RGS8: variants seen among roughly 807,000 people sequenced by gnomAD.
The protein encoded by RGS8 is regulator of G protein signaling 8, also known as regulator of G-protein signaling 8.
In RGS8, 8 loss-of-function variants were observed where a neutral mutation model predicts 21.7. The observed-to-expected ratio is 0.37, with a 90% CI of 0.22 to 0.66. RGS8 has a LOEUF of 0.66. RGS8 is among the 30% of genes least tolerant of loss of function. The probability of loss-of-function intolerance (pLI) is 0.59; values close to 1 mark genes in which losing one functional copy is unlikely to be tolerated. For synonymous variants in RGS8, 80 were observed against 83.6 expected (o/e 0.96, Z 0.24); for missense variants, 157 against 217.9 (o/e 0.72, Z 1.76).
intron 5 of RGS8, among the ~76,000 whole-genome samples, chr1:182,657,266 T>C (rs987511474): frequency 9.9e-5 from 15 of 152,230 alleles, no homozygotes; most frequent in Non-Finnish European, 2.9e-5. Context: ...CCCTGACTCC[T>C]CAGCATCTTT....
the RGS8 span, among the ~76,000 whole-genome samples, chr1:182,731,541 G>GA: frequency 1.3e-5 from 2 of 152,146 alleles, no homozygotes; most frequent in Non-Finnish European, 2.9e-5. Context: ...AATCACTGCT[G>GA]AAAAAATCCT....
At chr1:182,745,207 G>A in the RGS8 span, among the ~76,000 whole-genome samples, 1 of 152,122 alleles carries the variant, frequency 6.6e-6, no homozygotes, top group Admixed American at 6.5e-5. Context: ...TTTATGTTGT[G>A]TTTTATTTTT....
the RGS8 span, among the ~76,000 whole-genome samples, chr1:182,750,318 G>A: frequency 6.6e-6 from 1 of 152,100 alleles, no homozygotes; most frequent in Non-Finnish European, 1.5e-5. Context: ...TCCAGGCTCT[G>A]TGCAGACCAA....
At chr1:182,722,391 G>A in the RGS8 span, among the ~76,000 whole-genome samples, 1 of 148,750 alleles carries the variant, frequency 6.7e-6, no homozygotes, top group East Asian at 2.0e-4. Flanking sequence ...AAAAAAACTG[G>A]GTGACTCAGA....
upstream of RGS8, among the ~76,000 whole-genome samples, chr1:182,676,774 C>A (rs530819601): frequency 1.3e-5 from 2 of 152,154 alleles, no homozygotes; most frequent in South Asian, 4.1e-4. Flanking sequence ...GAAGAAAGGG[C>A]CTTTGGTACT....
the RGS8 span, among the ~76,000 whole-genome samples, chr1:182,740,445 A>G: frequency 1.3e-5 from 2 of 152,072 alleles, no homozygotes; most frequent in Non-Finnish European, 2.9e-5. Context: ...CATTTTACCA[A>G]TGAGCAAAAC....
the RGS8 span, among the ~76,000 whole-genome samples, chr1:182,747,057 T>TTTTTTTTTTTTTC: frequency 1.1e-5 from 1 of 89,554 alleles, no homozygotes; most frequent in Non-Finnish European, 2.2e-5. Flanking sequence ...TTTTTTTTTT[T>TTTTTTTTTTTTTC]TTTTTTTTTT....
At chr1:182,716,543 G>A in the RGS8 span, among the ~76,000 whole-genome samples, 4 of 151,796 alleles carry the variant, frequency 2.6e-5, no homozygotes, top group Non-Finnish European at 5.9e-5. Context: ...CCCAGACATG[G>A]AAGGCCAAGT....
chr1:182,692,712 C>T, the RGS8 span, among the ~76,000 whole-genome samples: 4 of 137,954 alleles, frequency 2.9e-5, no homozygotes, highest in South Asian at 4.7e-4. Flanking sequence ...GGAGGTATCA[C>T]ACTACCCAAC....
the RGS8 span, among the ~76,000 whole-genome samples, chr1:182,724,606 G>A: frequency 6.6e-6 from 1 of 152,020 alleles, no homozygotes; most frequent in East Asian, 1.9e-4. Flanking sequence ...CACCCAGGCT[G>A]GAGTGCAGTG....
chr1:182,671,827 C>A (rs898972237), intron 1 of RGS8, 97 bp from the exon 3 acceptor site: 34 of 1,597,398 alleles, frequency 2.1e-5, no homozygotes, highest in South Asian at 2.3e-5. Context: ...CACATATACA[C>A]ACACAGGCAT....
At chr1:182,672,791 A>G (rs1316295985), upstream of RGS8, 1 of 1,613,322 alleles carries the variant, frequency 6.2e-7, no homozygotes, top group Non-Finnish European at 8.5e-7. Flanking sequence ...TGTCTTTTCC[A>G]TTTCTTTCTT....
At chr1:182,692,215 G>A in the RGS8 span, among the ~76,000 whole-genome samples, 1 of 151,982 alleles carries the variant, frequency 6.6e-6, no homozygotes, top group African/African-American at 2.4e-5. Context: ...ACGTTGGTCA[G>A]GCTGGTCTCG....
chr1:182,658,954 C>T (rs1474069161), intron 5 of RGS8, among the ~76,000 whole-genome samples: 1 of 152,210 alleles, frequency 6.6e-6, no homozygotes, highest in Non-Finnish European at 1.5e-5. Context: ...ATTTGATATG[C>T]TAATTATACT....
chr1:182,708,059 G>A, the RGS8 span, among the ~76,000 whole-genome samples: 2 of 152,130 alleles, frequency 1.3e-5, no homozygotes, highest in South Asian at 4.1e-4. Context: ...GTCTGTCATT[G>A]TATAGATGAT....
exon 7 of RGS8, chr1:182,646,223 A>G (rs1662696145): frequency 6.5e-6 from 1 of 152,834 alleles, no homozygotes; most frequent in Non-Finnish European, 1.5e-5. Flanking sequence ...ACAGAACTAG[A>G]AACCTGGAAT....
chr1:182,710,155 G>A, the RGS8 span, among the ~76,000 whole-genome samples: 1 of 152,102 alleles, frequency 6.6e-6, no homozygotes, highest in South Asian at 2.1e-4. Context: ...AAATGAGGAA[G>A]GCCTCAAATG....
the RGS8 span, among the ~76,000 whole-genome samples, chr1:182,745,567 TCAC>T: frequency 6.6e-6 from 1 of 152,358 alleles, no homozygotes; most frequent in East Asian, 1.9e-4. Flanking sequence ...ATAATTGACT[TCAC>T]CAACCAGACT....
At chr1:182,698,385 G>A in the RGS8 span, among the ~76,000 whole-genome samples, 2 of 152,222 alleles carry the variant, frequency 1.3e-5, no homozygotes, top group Non-Finnish European at 2.9e-5. Flanking sequence ...CTTTAGGCAA[G>A]TAATAACCCT....
Sources: allele counts gnomAD v4.1 joint callset (sites outside exome capture counted in the v4.1 genomes callset), GRCh38; gene constraint gnomAD v4.1.1; transcripts MANE v1.5; gene names NCBI Gene and HGNC (gene_info 2026-07-23, HGNC 2026-07-21).